The following CPNE4 variants were observed in gnomAD, a reference collection of about 807,000 sequenced individuals.
CPNE4 encodes the protein copine 4.
In CPNE4, 25 loss-of-function variants were observed where a neutral mutation model predicts 67.9. That is an observed-to-expected ratio of 0.37 (90% CI 0.27 to 0.51). The LOEUF is 0.51. CPNE4 is among the 20% of genes least tolerant of loss of function. The probability of loss-of-function intolerance (pLI) is 0.93; values close to 1 mark genes in which losing one functional copy is unlikely to be tolerated. For synonymous variants in CPNE4, 242 were observed against 244.9 expected, an observed-to-expected ratio of 0.99 and a Z score of 0.11; for missense variants, 464 against 690.8, an observed-to-expected ratio of 0.67 and a Z score of 3.68.
intron 14 of CPNE4, among the ~76,000 whole-genome samples, chr3:131,547,499 A>C (rs1356650288): frequency 1.7e-5 from 2 of 114,410 alleles, no homozygotes; most frequent in Non-Finnish European, 3.6e-5. Flanking sequence ...AAAAAAAAAA[A>C]AACCTAATAG....
At chr3:131,571,194 G>C (rs1937320163) in intron 10 of CPNE4, among the ~76,000 whole-genome samples, 1 of 151,856 alleles carries the variant, frequency 6.6e-6, no homozygotes, top group African/African-American at 2.4e-5. Flanking sequence ...TTTTCCTCCT[G>C]GGCATCTGAG....
intron 1 of CPNE4, among the ~76,000 whole-genome samples, chr3:131,920,672 A>G (rs1245317938): frequency 1.3e-5 from 2 of 152,288 alleles, no homozygotes; most frequent in Middle Eastern, 3.4e-3. Flanking sequence ...AAGAAAAAAA[A>G]TCTCCGGAAC....
chr3:131,657,815 C>T (rs189264392), intron 7 of CPNE4, among the ~76,000 whole-genome samples: 104 of 151,952 alleles, frequency 6.8e-4, no homozygotes, highest in African/African-American at 1.6e-3. Context: ...CTGCCCGCCT[C>T]AGCCTTCCAA....
chr3:131,769,265 GGTGGTTGTTTCTCTCAA>G (rs2107830106), intron 2 of CPNE4, among the ~76,000 whole-genome samples: 1 of 152,212 alleles, frequency 6.6e-6, no homozygotes, highest in African/African-American at 2.4e-5. Context: ...AAATACTACT[GGTGGTTGTTTCTCTCAA>G]GGTTCTGGGA....
chr3:131,805,384 T>C (rs2084270636), intron 2 of CPNE4, among the ~76,000 whole-genome samples: 1 of 152,222 alleles, frequency 6.6e-6, no homozygotes, highest in East Asian at 1.9e-4. Flanking sequence ...TTCAACAATT[T>C]TGACACTTCG....
chr3:131,574,224 T>C (rs1047467924), intron 10 of CPNE4, among the ~76,000 whole-genome samples: 4 of 152,186 alleles, frequency 2.6e-5, no homozygotes, highest in Admixed American at 2.0e-4. Context: ...AAATAAATGC[T>C]GTACAAGTTA....
intron 7 of CPNE4, among the ~76,000 whole-genome samples, chr3:131,594,077 G>C (rs536209998): frequency 3.3e-5 from 5 of 152,222 alleles, no homozygotes; most frequent in African/African-American, 1.2e-4. Flanking sequence ...TCTTCTTCCT[G>C]ATCTTAGAGA....
In CPNE4 at chr3:131,724,656, C is replaced by A. The variant is rs115191289; in HGVS notation, c.181-1031G>T. ...AGCAGACTTCCTTCTGCACAGGGAG[C>A]TTTTGCTGGGATTTGGTAACATAGT... On this transcript the variant is annotated intron_variant, in intron 2 of 15. Transcript: ENST00000429747. Among the ~76,000 whole-genome samples the A allele has an allele frequency of 7.7e-3, 1,167 of 152,174 alleles. 8 individuals carry two copies. The highest frequency in any genetic ancestry group is 0.027 in the African/African-American group (1,122 of 41,506).
intron 1 of CPNE4, among the ~76,000 whole-genome samples, chr3:131,965,794 C>T (rs1398645422): frequency 1.3e-5 from 2 of 152,198 alleles, no homozygotes; most frequent in African/African-American, 4.8e-5. Context: ...TAACACCCCA[C>T]TGTCACTATT....
chr3:131,880,656 C>T (rs553088482), intron 2 of CPNE4, among the ~76,000 whole-genome samples: 1 of 152,292 alleles, frequency 6.6e-6, no homozygotes, highest in Non-Finnish European at 1.5e-5. Context: ...TGAGCAGAGA[C>T]TTGAATGTAT....
chr3:132,029,634 T>C (rs920857710), intron 1 of CPNE4, among the ~76,000 whole-genome samples: 3 of 152,158 alleles, frequency 2.0e-5, no homozygotes, highest in Admixed American at 2.0e-4. Flanking sequence ...AAGAAAGAGG[T>C]CTTCTGGTCA....
intron 2 of CPNE4, among the ~76,000 whole-genome samples, chr3:131,871,538 T>C (rs1008059005): frequency 5.3e-5 from 8 of 152,188 alleles, no homozygotes; most frequent in South Asian, 4.1e-4. Flanking sequence ...TCCTGCTTCA[T>C]TGGGGAATGA....
chr3:131,867,890 A>T (rs2087024445), intron 2 of CPNE4, among the ~76,000 whole-genome samples: 1 of 152,136 alleles, frequency 6.6e-6, no homozygotes. Context: ...TTTCCTCACA[A>T]TAATCCTTCA....
intron 1 of CPNE4, among the ~76,000 whole-genome samples, chr3:131,972,600 G>A (rs761675374): frequency 1.3e-5 from 2 of 152,118 alleles, no homozygotes; most frequent in Non-Finnish European, 2.9e-5. Flanking sequence ...GTGTCAAGGG[G>A]CTAAAAAACC....
intron 2 of CPNE4, among the ~76,000 whole-genome samples, chr3:131,724,470 C>T (rs2081957721): frequency 6.6e-6 from 1 of 152,172 alleles, no homozygotes; most frequent in Admixed American, 6.5e-5. Context: ...ACTTTCTGCA[C>T]TATTCTGTGA....
intron 1 of CPNE4, among the ~76,000 whole-genome samples, chr3:131,983,556 A>G (rs1310712602): frequency 6.6e-6 from 1 of 152,198 alleles, no homozygotes; most frequent in Non-Finnish European, 1.5e-5. Context: ...ATTAGTTCCA[A>G]AATTCAAAAC....
At chr3:131,966,681 G>A (rs1195227208) in intron 1 of CPNE4, among the ~76,000 whole-genome samples, 3 of 152,074 alleles carry the variant, frequency 2.0e-5, no homozygotes, top group East Asian at 1.9e-4. Flanking sequence ...GGAAGAAGTC[G>A]AATCCCAGAA....
chr3:131,943,852 T>C (rs561498386), intron 1 of CPNE4, among the ~76,000 whole-genome samples: 1 of 152,290 alleles, frequency 6.6e-6, no homozygotes, highest in South Asian at 2.1e-4. Flanking sequence ...GCTGTAGCAA[T>C]TCTTAAAGTC....
intron 1 of CPNE4, among the ~76,000 whole-genome samples, chr3:132,023,706 C>A (rs2074054811): frequency 6.6e-6 from 1 of 152,084 alleles, no homozygotes; most frequent in Non-Finnish European, 1.5e-5. Context: ...CCGGGATGGT[C>A]TCGATCTCCT....
Sources: gnomAD v4.1 joint callset for allele counts (sites outside exome capture counted in the v4.1 genomes callset) on GRCh38, gnomAD v4.1.1 for gene constraint, MANE v1.5 for transcripts, NCBI Gene and HGNC (gene_info 2026-07-23, HGNC 2026-07-21) for gene names.